The following SLC25A42 variants were observed in gnomAD, a reference collection of about 807,000 sequenced individuals.
SLC25A42 encodes solute carrier family 25 member 42, also known as mitochondrial coenzyme A transporter SLC25A42.
A neutral mutation model predicts 34.7 loss-of-function variants in SLC25A42; 19 were observed. The ratio of observed to expected loss-of-function variants is 0.55; its 90% CI spans 0.38 to 0.80. SLC25A42 has a LOEUF of 0.80. Ranked by LOEUF, SLC25A42 falls within the 30% of genes least tolerant of loss-of-function variation. The pLI, the probability that SLC25A42 is intolerant of heterozygous loss-of-function variation, is 0.00. For synonymous variants in SLC25A42, 205 were observed against 191.2 expected, an observed-to-expected ratio of 1.07 and a Z score of -0.59; for missense variants, 364 against 441.3, an observed-to-expected ratio of 0.82 and a Z score of 1.57.
chr19:19,104,979 C>T, intron 4 of SLC25A42, 41 bp downstream of exon 4: 4 of 1,612,962 alleles, frequency 2.5e-6, no homozygotes, highest in Non-Finnish European at 3.4e-6. Context: ...GGACAGTCAC[C>T]ACTACCCTGA....
At chr19:19,075,451 T>C (rs1346708196) in intron 1 of SLC25A42, among the ~76,000 whole-genome samples, 6 of 152,244 alleles carry the variant, frequency 3.9e-5, no homozygotes, top group African/African-American at 1.2e-4. Context: ...CCCCTCTGCC[T>C]GGCCGCTGGT....
At chr19:19,070,217 G>A (rs1178159637) in intron 1 of SLC25A42, among the ~76,000 whole-genome samples, 4 of 150,772 alleles carry the variant, frequency 2.7e-5, no homozygotes, top group Admixed American at 6.6e-5. Flanking sequence ...GGATGGTCTC[G>A]ATCTCCTGAC....
intron 6 of SLC25A42, among the ~76,000 whole-genome samples, chr19:19,107,294 CCA>C (rs2059836257): frequency 7.0e-6 from 1 of 143,052 alleles, no homozygotes; most frequent in Non-Finnish European, 1.5e-5. Flanking sequence ...TCCAGCCGGT[CCA>C]CAGAGTGAGA....
chr19:19,095,718 C>T (rs560083808), intron 1 of SLC25A42, among the ~76,000 whole-genome samples: 70 of 152,268 alleles, frequency 4.6e-4, no homozygotes, highest in African/African-American at 1.5e-3. Flanking sequence ...GTATTGGCAC[C>T]GAGCACCTCG....
intron 1 of SLC25A42, among the ~76,000 whole-genome samples, chr19:19,066,077 G>A (rs1427078512): frequency 2.6e-5 from 4 of 151,994 alleles, no homozygotes; most frequent in Admixed American, 6.6e-5. Context: ...GGCTGGTCTC[G>A]CACTCCTGAC....
rs141712568 is a variant in SLC25A42, at chr19:19,105,703, G to A, written c.356G>A (p.Gly119Asp). The A allele has an allele frequency of 6.2e-6, 10 of 1,600,528 alleles. No individual in the cohort carries two copies. Among genetic ancestry groups the A allele is most frequent in the Non-Finnish European group, 7.7e-6 (9 of 1,172,434 alleles). Residue 119 changes from glycine (G) to aspartate (D), a missense_variant, in exon 5 of 8, where the codon GGC becomes GAC. By Grantham distance (94) the Gly-to-Asp change is moderately conservative (BLOSUM62 -1). Transcript: ENST00000318596. Reference sequence around the variant, plus strand: ...CACGAGGAGTACAAGCGCATCCTGGGCAGCTACTATGGCTTCCGTGGAGAG... The same window carrying A: ...CACGAGGAGTACAAGCGCATCCTGGACAGCTACTATGGCTTCCGTGGAGAG... ...SAHEEYKRILGSYYGFRGEAL... is the reference protein window; with the variant it reads ...SAHEEYKRILDSYYGFRGEAL...
At chr19:19,099,831 G>A (rs760135716) in intron 2 of SLC25A42, among the ~76,000 whole-genome samples, 1 of 151,920 alleles carries the variant, frequency 6.6e-6, no homozygotes, top group African/African-American at 2.4e-5. Context: ...GGGTTCAAGC[G>A]ATTCTTCTGC....
intron 4 of SLC25A42, 30 bp from the exon 5 acceptor site, chr19:19,105,531 A>G: frequency 6.3e-7 from 1 of 1,596,812 alleles, no homozygotes; most frequent in African/African-American, 1.3e-5. Flanking sequence ...GCAGAGGCAG[A>G]GGGATGTTGA....
intron 1 of SLC25A42, among the ~76,000 whole-genome samples, chr19:19,068,068 T>C (rs997648549): frequency 6.6e-6 from 1 of 152,110 alleles, no homozygotes; most frequent in African/African-American, 2.4e-5. Context: ...TCATAAAAAG[T>C]ATATTGGCCG....
At chr19:19,097,713 T>C (rs1225533200) in intron 2 of SLC25A42, among the ~76,000 whole-genome samples, 1 of 152,096 alleles carries the variant, frequency 6.6e-6, no homozygotes, top group African/African-American at 2.4e-5. Flanking sequence ...CTGTAATCCC[T>C]GCACTCTGGG....
Position 19,081,170 on chromosome 19 carries a change from G to A in SLC25A42, c.-34-14921G>A, listed in dbSNP as rs1170281844. Among the ~76,000 whole-genome samples the A allele has an allele frequency of 6.6e-6, 1 of 151,608 alleles. No homozygotes were observed. Among genetic ancestry groups the A allele is most frequent in the Admixed American group, 6.6e-5 (1 of 15,180 alleles). ...GAAAAGAAAGGAGGGAGGAAGGGAG[G>A]GAAAGAGAGGAAGGGAAGAAGGAGA... On this transcript the variant is annotated intron_variant, in intron 1 of 7. Transcript: ENST00000318596. This position sits in a 1 kb window ranked among gnomAD's most constrained non-coding sequence, Gnocchi z 4.5.
In SLC25A42 at chr19:19,108,287, G is replaced by A. The variant is rs550044411; in HGVS notation, c.649+242G>A. Among the ~76,000 whole-genome samples the A allele has an allele frequency of 6.6e-5, 10 of 152,240 alleles. No individual in the cohort carries two copies. In the South Asian group the frequency reaches 1.9e-3, roughly 28 times the overall value. Reference sequence around the variant, plus strand: ...GGAACTCTGGCTGGTGCCACGGCTCGTGCCTGTAATCCCAGTGCTTTGGGA... The same window carrying A: ...GGAACTCTGGCTGGTGCCACGGCTCATGCCTGTAATCCCAGTGCTTTGGGA... On this transcript the variant is annotated intron_variant, in intron 7 of 7. Transcript: ENST00000318596.
chr19:19,099,191 A>C (rs1181522874), intron 2 of SLC25A42, among the ~76,000 whole-genome samples: 1 of 152,182 alleles, frequency 6.6e-6, no homozygotes, highest in Non-Finnish European at 1.5e-5. Context: ...ACCTGGCTGC[A>C]TGTCCCAGAA....
chr19:19,094,083 G>A (rs906988046), intron 1 of SLC25A42, among the ~76,000 whole-genome samples: 7 of 152,300 alleles, frequency 4.6e-5, no homozygotes, highest in Non-Finnish European at 1.0e-4. Context: ...CCCAGCCAGC[G>A]TTGTCCTGGA....
intron 2 of SLC25A42, among the ~76,000 whole-genome samples, chr19:19,098,286 C>T (rs1007503187): frequency 3.9e-5 from 6 of 152,078 alleles, no homozygotes; most frequent in African/African-American, 1.4e-4. Flanking sequence ...AGTTTATGGA[C>T]GTGTGTTCCT....
intron 1 of SLC25A42, among the ~76,000 whole-genome samples, chr19:19,070,907 T>C (rs10410451): frequency 0.83 from 126,575 of 151,784 alleles, 52,892 homozygotes; most frequent in East Asian, 0.89. Context: ...TTGGCAGCTT[T>C]GCTTACTCAC....
In SLC25A42 at chr19:19,105,575, C is replaced by T. The variant is rs1258111991; in HGVS notation, c.228C>T (p.Val76=). The change falls in exon 5 of 8, where the codon GTC becomes GTT. Residue 76 remains valine, a synonymous_variant. Transcript: ENST00000318596. ...CTTATCTCCAGGAGGCCTTCCGGGT[C>T]CTCTACTACACCTACCTCAACGAGG... ...KRFSAKEAFR[V]LYYTYLNEGF... is the part of the protein sequence containing the mutation. The T allele has an allele frequency of 6.2e-7, 1 of 1,612,884 alleles. No individual in the cohort carries two copies. Among genetic ancestry groups the T allele is most frequent in the South Asian group, 1.1e-5 (1 of 91,014 alleles).
intron 1 of SLC25A42, among the ~76,000 whole-genome samples, chr19:19,074,072 T>A (rs895331878): frequency 1.3e-5 from 2 of 152,230 alleles, no homozygotes; most frequent in African/African-American, 4.8e-5. Flanking sequence ...GGAATGTGAG[T>A]ACCATTCAGT....
intron 7 of SLC25A42, among the ~76,000 whole-genome samples, chr19:19,108,304 GC>G (rs2059845063): frequency 6.6e-6 from 1 of 152,158 alleles, no homozygotes; most frequent in Admixed American, 6.5e-5. Context: ...TAATCCCAGT[GC>G]TTTGGGAGGC....
Sources: gnomAD v4.1 joint callset for allele counts (sites outside exome capture counted in the v4.1 genomes callset) on GRCh38, gnomAD v4.1.1 for gene constraint, Gnocchi (gnomAD v3.1) non-coding constraint, MANE v1.5 for transcripts, NCBI Gene and HGNC (gene_info 2026-07-23, HGNC 2026-07-21) for gene names.